Variants in STRIP2 observed in about 807,000 individuals in gnomAD.
STRIP2 encodes striatin-interacting protein 2.
A neutral mutation model predicts 107.1 loss-of-function variants in STRIP2; 84 were observed. The observed-to-expected ratio is 0.78, with a 90% CI of 0.66 to 0.94. STRIP2 has a LOEUF of 0.94. Ranked by LOEUF, STRIP2 falls within the 40% of genes least tolerant of loss-of-function variation. The pLI, the probability that STRIP2 is intolerant of heterozygous loss-of-function variation, is 0.00. For synonymous variants in STRIP2, 394 were observed against 400.4 expected, an observed-to-expected ratio of 0.98 and a Z score of 0.19; for missense variants, 888 against 1,034.2, an observed-to-expected ratio of 0.86 and a Z score of 1.94.
At position 129,434,492 on chromosome 7, in the gene STRIP2, C is replaced by T; in HGVS notation, c.20C>T (p.Pro7Leu). ...AGCAGCATGGAGGACCCCGCCGCGC[C>T]TGGGACCGGGGGCCCGCCCGCAAAT... is the stretch of plus-strand genomic sequence containing the variant. MEDPAA[P>L]GTGGPPANGN... is the part of the protein sequence containing the mutation. Residue 7 changes from proline to leucine, a missense_variant, in exon 1 of 21, where the codon CCT (proline) becomes CTT (leucine). Physicochemically the swap from Pro to Leu is moderately conservative, Grantham distance 98. Transcript: ENST00000249344. The T allele has an allele frequency of 6.6e-7, 1 of 1,516,204 alleles. No homozygotes were observed. The highest frequency in any genetic ancestry group is 8.8e-7 in the Non-Finnish European group (1 of 1,138,874). 93.9% of individuals were successfully genotyped at this position (1,516,204 alleles called of 1,614,324 possible).
In STRIP2 at chr7:129,487,489, A is replaced by G. The variant is rs1011527576; in HGVS notation, c.*1660A>G. ...CAAGGACATGAATAAAATACTTGAC[A>G]GTATCCAAAGGAGCTATACCAAAAT... On this transcript the variant is annotated 3_prime_UTR_variant, in exon 21 of 21. Transcript: ENST00000249344. 6.6e-6 allele frequency: 1 copy of G among 152,240 alleles called. No individual in the cohort carries two copies. Among genetic ancestry groups the G allele is most frequent in the African/African-American group, 2.4e-5 (1 of 41,450 alleles). The allele number at this position is 152,240 out of a possible 1,614,324, so 9.4% of individuals were successfully genotyped here. A position where few individuals can be genotyped will look rare whatever the true frequency, so the allele number is the denominator to read the frequency against.
rs1234489367 is a variant in STRIP2, at chr7:129,467,363, C to T, written c.1790C>T (p.Ser597Leu). 5.6e-6 allele frequency: 9 copies of T among 1,613,004 alleles called. No individual in the cohort carries two copies. The highest frequency in any genetic ancestry group is 2.2e-5 in the East Asian group (1 of 44,856). The change falls in exon 17 of 21, where the codon TCG becomes TTG. Residue 597 changes from serine (S) to leucine (L), a missense_variant. Physicochemically the swap from Ser to Leu is moderately radical, Grantham distance 145. Coordinates refer to ENST00000249344, the MANE Select transcript of STRIP2 (RefSeq NM_020704.3). ...TTTTTAATTCAGTTTGAATATGTAT[C>T]GCAACATTTGGTATTTGCCAACTGC... is the stretch of plus-strand genomic sequence containing the variant. ...LNHIYQFEYV[S>L]QHLVFANCIP...
Position 129,463,031 on chromosome 7 carries a change from G to A in STRIP2, c.1542G>A (p.Pro514=), listed in dbSNP as rs138088370. 1.2e-4 allele frequency: 192 copies of A among 1,612,962 alleles called. No individual in the cohort carries two copies. In the Middle Eastern group the frequency reaches 1.7e-3, roughly 14 times the overall value. ...ACCAGGGAATGCTGTACAGCCTTCC[G>A]CAGTATATGGTAAGGAGATGGCTAG... ...ILYQGMLYSL[P]QYMIALLKIL... Residue 514 remains proline (P), a synonymous_variant, in exon 14 of 21, where the codon CCG becomes CCA. Transcript: ENST00000249344.
chr7:129,483,133 T>C lies in STRIP2; in HGVS notation c.2254+87T>C. Reference sequence around the variant, plus strand: ...AATATTTATCACTCCTCTTTTGGCATGAATTGTTACATATTTTAGATGAAA... The same window carrying C: ...AATATTTATCACTCCTCTTTTGGCACGAATTGTTACATATTTTAGATGAAA... On this transcript the variant is annotated intron_variant, in intron 20 of 20. Transcript: ENST00000249344. The surrounding 1 kb of genome is among the most constrained non-coding windows in gnomAD (Gnocchi z 5.1). The C allele has an allele frequency of 6.6e-7, 1 of 1,508,648 alleles. No homozygotes were observed. Among genetic ancestry groups the C allele is most frequent in the Non-Finnish European group, 8.9e-7 (1 of 1,126,904 alleles). The allele number at this position is 1,508,648 out of a possible 1,614,324, so 93.5% of individuals were successfully genotyped here. A position where few individuals can be genotyped will look rare whatever the true frequency, so the allele number is the denominator to read the frequency against.
chr7:129,477,786 G>T, intron 18 of STRIP2: 1 of 249,292 alleles, frequency 4.0e-6, no homozygotes, highest in Non-Finnish European at 8.0e-6. Flanking sequence ...GGTGGGTGAT[G>T]CCAGATGCAA....
At chr7:129,480,943 G>T in intron 19 of STRIP2, 54 bp downstream of exon 19, 1 of 1,367,892 alleles carries the variant, frequency 7.3e-7, no homozygotes. Context: ...ATTTTTAAAA[G>T]ATCACTAGTA....
intron 15 of STRIP2, 91 bp from the exon 16 acceptor site, chr7:129,464,521 G>A (rs1160917585): frequency 1.4e-6 from 2 of 1,420,126 alleles, no homozygotes; most frequent in Non-Finnish European, 1.9e-6. Flanking sequence ...TGGCTCTCTT[G>A]TGTATATTGT....
At chr7:129,454,559 G>A (rs1478148147) in intron 7 of STRIP2, 32 bp downstream of exon 7, 8 of 1,427,760 alleles carry the variant, frequency 5.6e-6, no homozygotes, top group Non-Finnish European at 7.9e-6. Flanking sequence ...AGGTGTGGAT[G>A]GGGTGCTAAT....
rs769514377 is a variant in STRIP2, at chr7:129,485,600, A to G, written c.2276A>G (p.Asp759Gly). 1 of 1,613,664 alleles carries G rather than the reference A, an allele frequency of 6.2e-7. No individual in the cohort carries two copies. Among genetic ancestry groups the G allele is most frequent in the Non-Finnish European group, 8.5e-7 (1 of 1,179,962 alleles). Residue 759 changes from aspartate to glycine, a missense_variant, in exon 21 of 21, where the codon GAC becomes GGC. Coordinates refer to ENST00000249344, the MANE Select transcript of STRIP2 (RefSeq NM_020704.3). Reference protein sequence around the residue: ...YGNDIDARPWDFQAEECTLRA... With the variant: ...YGNDIDARPWGFQAEECTLRA... ...ACAGACATCGATGCCAGACCATGGG[A>G]CTTCCAAGCAGAAGAATGTACCTTG... is the stretch of plus-strand genomic sequence containing the variant.
intron 13 of STRIP2, among the ~76,000 whole-genome samples, chr7:129,462,215 A>C (rs1052010678): frequency 3.3e-5 from 5 of 152,220 alleles, no homozygotes; most frequent in Admixed American, 6.5e-5. Context: ...GCTCTGTTGA[A>C]TGTCCATTTA....
chr7:129,438,580 G>A (rs1457582752), intron 1 of STRIP2, among the ~76,000 whole-genome samples: 3 of 151,990 alleles, frequency 2.0e-5, no homozygotes, highest in Non-Finnish European at 2.9e-5. Context: ...CCAACAATTC[G>A]CTGACACCAA....
chr7:129,450,469 G>T (rs574899571), intron 3 of STRIP2, among the ~76,000 whole-genome samples: 1 of 152,150 alleles, frequency 6.6e-6, no homozygotes, highest in Non-Finnish European at 1.5e-5. Flanking sequence ...ACTCTCAATA[G>T]TAATTTCATG....
intron 11 of STRIP2, 69 bp from the exon 12 acceptor site, chr7:129,459,448 G>A (rs923413351): frequency 1.4e-5 from 18 of 1,315,734 alleles, no homozygotes; most frequent in Admixed American, 5.0e-5. Context: ...TGACTCTAGG[G>A]GGGTATTGGG....
Position 129,457,152 on chromosome 7 carries a change from G to A in STRIP2, c.1038+510G>A, listed in dbSNP as rs181289293. Reference sequence around the variant, plus strand: ...TGTATATAACCATGTGACACTAAACGACAGGGATACAATCTGAAAAATGTG... The same window carrying A: ...TGTATATAACCATGTGACACTAAACAACAGGGATACAATCTGAAAAATGTG... On this transcript the variant is annotated intron_variant, in intron 9 of 20. Transcript: ENST00000249344. Among the ~76,000 whole-genome samples, 10 of 152,262 alleles carry A rather than the reference G, an allele frequency of 6.6e-5. No individual in the cohort carries two copies. The East Asian group carries it at 1.9e-3, about 29-fold the overall frequency.
Position 129,440,897 on chromosome 7 carries a change from TA to T in STRIP2, c.199+809del, listed in dbSNP as rs1470062155. 5.3e-5 allele frequency among the ~76,000 whole-genome samples: 8 copies of T among 152,282 alleles called. No individual in the cohort carries two copies. In the East Asian group the frequency reaches 1.2e-3, roughly 22 times the overall value. On this transcript the variant is annotated intron_variant, in intron 2 of 20. Transcript: ENST00000249344. ...TTCAGAGAAAAGAGACAAACAATTT[TA>T]AAGACGTTCTTGTGCATGAGCACAG...
At chr7:129,479,416 G>A (rs2151018601) in intron 18 of STRIP2, among the ~76,000 whole-genome samples, 1 of 152,158 alleles carries the variant, frequency 6.6e-6, no homozygotes, top group South Asian at 2.1e-4. Context: ...TTCCTTAGAA[G>A]CAGACAGATG....
chr7:129,485,539 T>G, intron 20 of STRIP2, 40 bp from the exon 21 acceptor site: 1 of 1,611,858 alleles, frequency 6.2e-7, no homozygotes. Context: ...GAGCAGTGTC[T>G]TGCATTGTAT....
At chr7:129,440,226 C>G (rs1249264789) in intron 2 of STRIP2, 135 bp downstream of exon 2, 1 of 690,058 alleles carries the variant, frequency 1.4e-6, no homozygotes, top group Admixed American at 2.5e-5. Context: ...ATTCCTTTTC[C>G]TCTCCATCCA....
At chr7:129,437,937 C>T (rs1331494992) in intron 1 of STRIP2, among the ~76,000 whole-genome samples, 2 of 151,974 alleles carry the variant, frequency 1.3e-5, no homozygotes, top group African/African-American at 2.4e-5. Context: ...TCCCGAGTAG[C>T]TGGGACTACA....
Sources: allele counts gnomAD v4.1 joint callset (sites outside exome capture counted in the v4.1 genomes callset), GRCh38; gene constraint gnomAD v4.1.1; non-coding constraint Gnocchi (gnomAD v3.1); transcripts MANE v1.5; gene names NCBI Gene and HGNC (gene_info 2026-07-23, HGNC 2026-07-21).